USP38: variants seen among roughly 807,000 people sequenced by gnomAD.
USP38 encodes ubiquitin carboxyl-terminal hydrolase 38.
USP38 carries 49 observed loss-of-function variants against 94.3 expected under a neutral mutation model. The ratio of observed to expected loss-of-function variants is 0.52; its 90% confidence interval spans 0.41 to 0.66. The LOEUF (loss-of-function observed/expected upper bound fraction) is 0.66. Among genes scored for constraint, USP38 ranks in the 30% least tolerant of loss-of-function variants. The pLI is 0.00. For missense variants in USP38, 1,128 were observed against 1,229.4 expected, an observed-to-expected ratio of 0.92 and a Z score of 1.23; for synonymous variants, 468 against 463.6, an observed-to-expected ratio of 1.01 and a Z score of -0.12.
rs960892437 is a variant in USP38, at chr4:143,185,693, C to G, written c.243C>G (p.Asn81Lys). 8.7e-6 allele frequency: 14 copies of G among 1,614,176 alleles called. No individual in the cohort carries two copies. Among genetic ancestry groups the G allele is most frequent in the African/African-American group, 1.3e-5 (1 of 75,054 alleles). ...GGCCAGAGTTCGAGTCCTTCTTCAA[C>G]AAGACCTTCGTGTTGGGCCTCCTTC... ...YHRPEFESFFNKTFVLGLLHQ... is the reference protein window; with the variant it reads ...YHRPEFESFFKKTFVLGLLHQ... The change falls in exon 1 of 10, where the codon AAC becomes AAG. Residue 81 changes from asparagine (N) to lysine (K), a missense_variant. Physicochemically the swap from Asn to Lys is moderately conservative, Grantham distance 94. Coordinates refer to ENST00000307017, the MANE Select transcript of USP38 (RefSeq NM_032557.6).
rs374790282 is a variant in USP38, at chr4:143,203,519, T to C, written c.1162T>C (p.Tyr388His). The change falls in exon 5 of 10, where the codon TAT becomes CAT. Residue 388 changes from tyrosine (Y) to histidine (H), a missense_variant. Tyr to His is a moderately conservative substitution (Grantham distance 83). Transcript: ENST00000307017. ...TELIHCMMYHYSGFPDLYEPI... is the reference protein window; with the variant it reads ...TELIHCMMYHHSGFPDLYEPI... ...ATTGATACACTGTATGATGTATCATTATTCTGGATTTCCAGATCTCTATGA... is the reference window on the plus strand; with the variant it reads ...ATTGATACACTGTATGATGTATCATCATTCTGGATTTCCAGATCTCTATGA... 1 of 1,613,068 alleles carries C rather than the reference T, an allele frequency of 6.2e-7. No homozygotes were observed. Among genetic ancestry groups the C allele is most frequent in the Non-Finnish European group, 8.5e-7 (1 of 1,179,538 alleles).
intron 1 of USP38, among the ~76,000 whole-genome samples, chr4:143,186,355 C>T (rs550338660): frequency 2.6e-4 from 39 of 152,274 alleles, no homozygotes; most frequent in Admixed American, 2.5e-3. Flanking sequence ...TGAGAACGTC[C>T]AGGTCTAAGA....
Position 143,203,393 on chromosome 4 carries a change from C to G in USP38, c.1051-15C>G, listed in dbSNP as rs1268074867. 6.2e-7 allele frequency: 1 copy of G among 1,600,700 alleles called. No individual in the cohort carries two copies. Among genetic ancestry groups the G allele is most frequent in the Non-Finnish European group, 8.5e-7 (1 of 1,172,492 alleles). Reference sequence around the variant, plus strand: ...TTGTATAAATTCAGCATTGTTTATCCTTTTTTCTTTTCAGATTGTTCCTCA... The same window carrying G: ...TTGTATAAATTCAGCATTGTTTATCGTTTTTTCTTTTCAGATTGTTCCTCA... On this transcript the variant is annotated splice_polypyrimidine_tract_variant and intron_variant, in intron 4 of 9. Transcript: ENST00000307017.
chr4:143,202,976 T>A (rs1478590868), intron 4 of USP38, among the ~76,000 whole-genome samples: 1 of 152,148 alleles, frequency 6.6e-6, no homozygotes, highest in Non-Finnish European at 1.5e-5. Flanking sequence ...AATGTACTTT[T>A]AATTCTTTCA....
At chr4:143,199,593 C>T (rs1721671440) in intron 4 of USP38, among the ~76,000 whole-genome samples, 1 of 152,124 alleles carries the variant, frequency 6.6e-6, no homozygotes, top group African/African-American at 2.4e-5. Context: ...CGAATTTATA[C>T]TCCCACCAAG....
Position 143,196,577 on chromosome 4 carries a change from A to G in USP38, c.948+732A>G, listed in dbSNP as rs550732687. Among the ~76,000 whole-genome samples, 12 of 152,284 alleles carry G rather than the reference A, an allele frequency of 7.9e-5. No homozygotes were observed. In the East Asian group the frequency reaches 1.5e-3, roughly 20 times the overall value. ...GATTTTTGTCCTCCTTCACAGGCTT[A>G]TCAGTCTCCTGTACTTACTCTAACT... On this transcript the variant is annotated intron_variant, in intron 3 of 9. Coordinates refer to ENST00000307017, the MANE Select transcript of USP38 (RefSeq NM_032557.6).
Position 143,222,985 on chromosome 4 carries a change from G to T in USP38, c.*2529G>T, listed in dbSNP as rs1483374625. The T allele has an allele frequency of 1.3e-5, 2 of 152,096 alleles. No individual in the cohort carries two copies. Among genetic ancestry groups the T allele is most frequent in the African/African-American group, 4.8e-5 (2 of 41,436 alleles). The allele number at this position is 152,096 out of a possible 1,614,324, so 9.4% of individuals were successfully genotyped here. ...ATCAGTTTAAATGAAGTTGCTCATT[G>T]CTGCTAAGAAGCATTAGGCTTCACT... On this transcript the variant is annotated 3_prime_UTR_variant, in exon 10 of 10. Transcript: ENST00000307017.
rs1182727581 is a variant in USP38, at chr4:143,220,561, T to C, written c.*105T>C. The C allele has an allele frequency of 2.6e-6, 3 of 1,163,190 alleles. No homozygotes were observed. Among genetic ancestry groups the C allele is most frequent in the Non-Finnish European group, 3.4e-6 (3 of 885,728 alleles). The allele number at this position is 1,163,190 out of a possible 1,614,324, so 72.1% of individuals were successfully genotyped here. A position where few individuals can be genotyped will look rare whatever the true frequency, so the allele number is the denominator to read the frequency against. On this transcript the variant is annotated 3_prime_UTR_variant, in exon 10 of 10. Coordinates refer to ENST00000307017, the MANE Select transcript of USP38 (RefSeq NM_032557.6). ...TATCTTTTATTTTTCATTAGACCCT[T>C]ATACTTCAAGAGAACACACTCAGTG...
chr4:143,195,213 C>T (rs1156876353), intron 2 of USP38, among the ~76,000 whole-genome samples: 2 of 152,136 alleles, frequency 1.3e-5, no homozygotes, highest in African/African-American at 4.8e-5. Context: ...CTAATAAATT[C>T]TTGATACAGG....
At position 143,213,963 on chromosome 4, in the gene USP38, A is replaced by T. The variant is rs776465835; in HGVS notation, c.1987A>T (p.Thr663Ser). 6.2e-7 allele frequency: 1 copy of T among 1,613,600 alleles called. No individual in the cohort carries two copies. Among genetic ancestry groups the T allele is most frequent in the Admixed American group, 1.7e-5 (1 of 59,980 alleles). Residue 663 changes from threonine to serine, a missense_variant, in exon 9 of 10, where the codon ACA becomes TCA. By Grantham distance (58) the Thr-to-Ser change is moderately conservative. Coordinates refer to ENST00000307017, the MANE Select transcript of USP38 (RefSeq NM_032557.6). ...PSEEPVVYNP[T>S]TAAFICDSLV... ...AGAAGAACCAGTAGTTTATAATCCA[A>T]CAACAGCTGCCTTCATCTGTGACTC...
intron 5 of USP38, among the ~76,000 whole-genome samples, chr4:143,204,217 T>C (rs188532696): frequency 6.6e-6 from 1 of 152,246 alleles, no homozygotes; most frequent in Non-Finnish European, 1.5e-5. Context: ...TGACCTCAAG[T>C]AATCTGCCTG....
At chr4:143,186,607 A>G (rs535231541) in intron 1 of USP38, among the ~76,000 whole-genome samples, 1 of 152,322 alleles carries the variant, frequency 6.6e-6, no homozygotes, top group Non-Finnish European at 1.5e-5. Flanking sequence ...ATTATCCCAG[A>G]TAACTATGAA....
At chr4:143,195,910 G>C in intron 3 of USP38, 65 bp downstream of exon 3, 1 of 1,420,486 alleles carries the variant, frequency 7.0e-7, no homozygotes, top group Non-Finnish European at 9.4e-7. Flanking sequence ...TTTTTCTTTG[G>C]GTGGTATCCT....
At chr4:143,203,287 T>G (rs1409285350) in intron 4 of USP38, 121 bp from the exon 5 acceptor site, 1 of 989,432 alleles carries the variant, frequency 1.0e-6, no homozygotes, top group Non-Finnish European at 1.5e-6. Flanking sequence ...AGAAAAACTC[T>G]GTGACTGCAC....
At chr4:143,188,341 G>C (rs1178595365) in intron 2 of USP38, among the ~76,000 whole-genome samples, 1 of 151,050 alleles carries the variant, frequency 6.6e-6, no homozygotes, top group Non-Finnish European at 1.5e-5. Context: ...CTTTCAACCA[G>C]GCTCAATGTG....
chr4:143,191,249 G>A (rs143864875), intron 2 of USP38, among the ~76,000 whole-genome samples: 23 of 152,220 alleles, frequency 1.5e-4, no homozygotes, highest in South Asian at 8.3e-4. Flanking sequence ...TGTAGATACC[G>A]TACCAGGACC....
In USP38 at chr4:143,222,397, A is replaced by G. The variant is rs2149615769; in HGVS notation, c.*1941A>G. 6.6e-6 allele frequency: 1 copy of G among 152,218 alleles called. No homozygotes were observed. Among genetic ancestry groups the G allele is most frequent in the Middle Eastern group, 3.4e-3 (1 of 294 alleles). The allele number at this position is 152,218 out of a possible 1,614,324, so 9.4% of individuals were successfully genotyped here. A position where few individuals can be genotyped will look rare whatever the true frequency, so the allele number is the denominator to read the frequency against. ...TTATATAAAATAGCACAGTATTTGC[A>G]TATAACCTGTGCACATCCTCCCATA... On this transcript the variant is annotated 3_prime_UTR_variant, in exon 10 of 10. Coordinates refer to ENST00000307017, the MANE Select transcript of USP38 (RefSeq NM_032557.6).
In USP38 at chr4:143,185,792, T is replaced by C; in HGVS notation, c.342T>C (p.Ile114=). The part of the protein sequence containing the change: ...LDYIHNGLKL[I]MSCPSVLDLF... ...ACATTCACAACGGCCTGAAGCTGAT[T>C]ATGAGCTGTCCGTCGGTGCTGGATC... is the stretch of plus-strand genomic sequence containing the variant. The change falls in exon 1 of 10, where the codon ATT becomes ATC. Residue 114 remains isoleucine, a synonymous_variant. Transcript: ENST00000307017. 1 of 1,614,186 alleles carries C rather than the reference T, an allele frequency of 6.2e-7. No homozygotes were observed. Among genetic ancestry groups the C allele is most frequent in the Non-Finnish European group, 8.5e-7 (1 of 1,180,032 alleles).
intron 2 of USP38, among the ~76,000 whole-genome samples, chr4:143,189,755 T>G (rs1731341616): frequency 6.6e-6 from 1 of 152,044 alleles, no homozygotes; most frequent in Non-Finnish European, 1.5e-5. Context: ...GTAAATGTTT[T>G]TCCTGTTGTG....
Sources: gnomAD v4.1 joint callset for allele counts (sites outside exome capture counted in the v4.1 genomes callset) on GRCh38, gnomAD v4.1.1 for gene constraint, MANE v1.5 for transcripts, NCBI Gene and HGNC (gene_info 2026-07-23, HGNC 2026-07-21) for gene names.